The following PMEPA1 variants were observed in gnomAD, a reference collection of about 807,000 sequenced individuals.
PMEPA1 encodes prostate transmembrane protein, androgen induced 1, also known as protein TMEPAI.
PMEPA1 carries 11 observed loss-of-function variants against 23.0 expected under a neutral mutation model. The observed-to-expected ratio is 0.48, with a 90% CI of 0.30 to 0.79. The LOEUF is 0.79. PMEPA1 is among the 30% of genes least tolerant of loss of function. The probability of loss-of-function intolerance (pLI) is 0.06; values close to 1 mark genes in which losing one functional copy is unlikely to be tolerated. For missense variants in PMEPA1, 377 were observed against 390.9 expected, an observed-to-expected ratio of 0.96 and a Z score of 0.30; for synonymous variants, 204 against 166.4, an observed-to-expected ratio of 1.23 and a Z score of -1.74.
chr20:57,662,590 C>T (rs1568966224), intron 1 of PMEPA1, among the ~76,000 whole-genome samples: 1 of 152,234 alleles, frequency 6.6e-6, no homozygotes. Context: ...CCCAGACAGG[C>T]AGGTCCAGGG....
At position 57,683,811 on chromosome 20, in the gene PMEPA1, C is replaced by T. The variant is rs749550128; in HGVS notation, c.110-24114G>A. 2.0e-5 allele frequency among the ~76,000 whole-genome samples: 3 copies of T among 151,732 alleles called. No homozygotes were observed. Among genetic ancestry groups the T allele is most frequent in the Non-Finnish European group, 4.4e-5 (3 of 67,936 alleles). On this transcript the variant is annotated intron_variant, in intron 1 of 3. Coordinates refer to ENST00000341744, the MANE Select transcript of PMEPA1 (RefSeq NM_020182.5). This position sits in a 1 kb window ranked among gnomAD's most constrained non-coding sequence, Gnocchi z 4.3. ...CAGCTCTCAGAGTTCTTGGAGTTCTCGGCCTCCGAAGCACACTGTCCAGCC... is the reference window on the plus strand; with the variant it reads ...CAGCTCTCAGAGTTCTTGGAGTTCTTGGCCTCCGAAGCACACTGTCCAGCC...
chr20:57,710,046 C>A, upstream of PMEPA1: 2 of 1,001,806 alleles, frequency 2.0e-6, no homozygotes, highest in Non-Finnish European at 2.4e-6. Flanking sequence ...CCGGTTCCCA[C>A]CGCGCGGGGG....
upstream of PMEPA1, chr20:57,710,308 C>T (rs2072158627): frequency 1.3e-6 from 1 of 770,222 alleles, no homozygotes; most frequent in Non-Finnish European, 1.9e-6. Context: ...CGCACCCGGG[C>T]GGGTTGCTGG....
rs145613143 is a variant in PMEPA1 at position 57,686,904 on chromosome 20, G to C, written c.109+22570C>G. Reference sequence around the variant, plus strand: ...TCCCGTGGGAAGGACAGTGCACCAGGGAGATACACCCAGAGGACTTCTCCA... The same window carrying C: ...TCCCGTGGGAAGGACAGTGCACCAGCGAGATACACCCAGAGGACTTCTCCA... On this transcript the variant is annotated intron_variant, in intron 1 of 3. Coordinates refer to ENST00000341744, the MANE Select transcript of PMEPA1 (RefSeq NM_020182.5). Among the ~76,000 whole-genome samples the C allele has an allele frequency of 2.0e-5, 3 of 152,344 alleles. No individual in the cohort carries two copies. In the East Asian group the frequency reaches 5.8e-4, roughly 29 times the overall value.
rs990929720 is a variant in PMEPA1 at position 57,704,181 on chromosome 20, C to T, written c.109+5293G>A. Among the ~76,000 whole-genome samples, 27 of 152,306 alleles carry T rather than the reference C, an allele frequency of 1.8e-4. No individual in the cohort carries two copies. The highest frequency in any genetic ancestry group is 7.2e-4 in the Admixed American group (11 of 15,304). On this transcript the variant is annotated intron_variant, in intron 1 of 3. Coordinates refer to ENST00000341744, the MANE Select transcript of PMEPA1 (RefSeq NM_020182.5). The surrounding 1 kb of genome is among the most constrained non-coding windows in gnomAD (Gnocchi z 4.6). ...ATCTAACCATTCGGCTGCCCTGGAA[C>T]GGAAAGATCTGGCCACTCAGGGCCC...
At chr20:57,674,013 G>A (rs905667708) in intron 1 of PMEPA1, among the ~76,000 whole-genome samples, 2 of 152,178 alleles carry the variant, frequency 1.3e-5, no homozygotes, top group Non-Finnish European at 2.9e-5. Flanking sequence ...GTTGCTAATA[G>A]TAACATTATA....
chr20:57,654,994 T>C (rs2146638629), intron 2 of PMEPA1, among the ~76,000 whole-genome samples: 1 of 135,520 alleles, frequency 7.4e-6, no homozygotes, highest in African/African-American at 2.8e-5. Flanking sequence ...GGCCCCCCGC[T>C]GCCTCCAGGA....
intron 2 of PMEPA1, among the ~76,000 whole-genome samples, chr20:57,657,618 G>A (rs906900764): frequency 6.8e-6 from 1 of 146,106 alleles, no homozygotes; most frequent in African/African-American, 2.4e-5. Flanking sequence ...GGGTCTGTGG[G>A]CCAGGCATTC....
At chr20:57,707,529 C>T (rs6025735) in intron 1 of PMEPA1, among the ~76,000 whole-genome samples, 6 of 151,970 alleles carry the variant, frequency 3.9e-5, no homozygotes, top group South Asian at 2.1e-4. Flanking sequence ...AGGCTGCTGG[C>T]GGCGGCGGGG....
intron 2 of PMEPA1, 39 bp downstream of exon 2, chr20:57,659,504 C>T (rs200567896): frequency 4.1e-5 from 66 of 1,601,612 alleles, no homozygotes; most frequent in African/African-American, 2.8e-4. Flanking sequence ...GTCCCACTGC[C>T]GCACCCTCAG....
intron 1 of PMEPA1, chr20:57,690,358 A>G (rs2071863258): frequency 8.8e-7 from 1 of 1,131,512 alleles, no homozygotes; most frequent in Admixed American, 2.3e-5. Flanking sequence ...TACACATGCA[A>G]ATGCTCCTGA....
At position 57,656,662 on chromosome 20, in the gene PMEPA1, T is replaced by A. The variant is rs2071330873; in HGVS notation, c.264+2881A>T. ...TCAGAGGGCAGATCCTTGCCCAGTG[T>A]CACACAACAAGGAGGTGACAAGGCC... On this transcript the variant is annotated intron_variant, in intron 2 of 3. Coordinates refer to ENST00000341744, the MANE Select transcript of PMEPA1 (RefSeq NM_020182.5). The surrounding 1 kb of genome is among the most constrained non-coding windows in gnomAD (Gnocchi z 4.7). 6.6e-6 allele frequency among the ~76,000 whole-genome samples: 1 copy of A among 152,094 alleles called. No homozygotes were observed. The highest frequency in any genetic ancestry group is 1.5e-5 in the Non-Finnish European group (1 of 68,006).
chr20:57,669,230 T>C (rs2071534859), intron 1 of PMEPA1, among the ~76,000 whole-genome samples: 1 of 152,068 alleles, frequency 6.6e-6, no homozygotes, highest in Non-Finnish European at 1.5e-5. Flanking sequence ...TGGTGCAATC[T>C]TGACTCACTG....
chr20:57,698,428 G>C (rs1194579627), intron 1 of PMEPA1, among the ~76,000 whole-genome samples: 2 of 152,150 alleles, frequency 1.3e-5, no homozygotes, highest in Non-Finnish European at 2.9e-5. Context: ...GATGGCATCT[G>C]AAATGACTCA....
intron 2 of PMEPA1, among the ~76,000 whole-genome samples, chr20:57,654,244 T>A (rs1400876485): frequency 1.3e-5 from 2 of 152,162 alleles, no homozygotes; most frequent in Non-Finnish European, 2.9e-5. Context: ...GAAATATAAC[T>A]GATATGCAAA....
intron 1 of PMEPA1, among the ~76,000 whole-genome samples, chr20:57,698,958 G>C (rs144339605): frequency 3.3e-5 from 5 of 152,104 alleles, no homozygotes; most frequent in African/African-American, 4.8e-5. Context: ...AAACTCTCAC[G>C]CCATCTCTCA....
intron 1 of PMEPA1, among the ~76,000 whole-genome samples, chr20:57,705,663 C>T (rs913876459): frequency 2.6e-5 from 4 of 152,186 alleles, no homozygotes; most frequent in African/African-American, 7.2e-5. Context: ...CAGGGACGAA[C>T]GTCTGACGGG....
chr20:57,686,019 G>A (rs996057015), intron 1 of PMEPA1, among the ~76,000 whole-genome samples: 7 of 152,202 alleles, frequency 4.6e-5, no homozygotes, highest in South Asian at 2.1e-4. Context: ...GGTGTGGCCC[G>A]GGGACACACT....
chr20:57,671,539 A>G (rs1002142276), intron 1 of PMEPA1, among the ~76,000 whole-genome samples: 5 of 152,220 alleles, frequency 3.3e-5, no homozygotes, highest in Non-Finnish European at 7.3e-5. Context: ...AGATATACAC[A>G]AAACAAATAT....
Sources: gnomAD v4.1 joint callset for allele counts (sites outside exome capture counted in the v4.1 genomes callset) on GRCh38, gnomAD v4.1.1 for gene constraint, Gnocchi (gnomAD v3.1) non-coding constraint, MANE v1.5 for transcripts, NCBI Gene and HGNC (gene_info 2026-07-23, HGNC 2026-07-21) for gene names.